ANO1: variants seen among roughly 807,000 people sequenced by gnomAD.
ANO1 encodes anoctamin 1.
ANO1 carries 59 observed loss-of-function variants against 124.0 expected under a neutral mutation model. The ratio of observed to expected loss-of-function variants is 0.48; its 90% CI spans 0.39 to 0.59. The LOEUF (loss-of-function observed/expected upper bound fraction) is 0.59, where lower values mean the gene tolerates loss of function less well. ANO1 is among the 20% of genes least tolerant of loss of function. ANO1 has a pLI of 0.00. For synonymous variants in ANO1, 529 were observed against 532.0 expected (o/e 0.99, Z 0.08); for missense variants, 1,059 against 1,328.0 (o/e 0.80, Z 3.15).
At position 70,058,911 on chromosome 11, in the gene ANO1, C is replaced by T. The variant is rs369074602; in HGVS notation, c.59-19631C>T. 6.9e-4 allele frequency among the ~76,000 whole-genome samples: 105 copies of T among 151,954 alleles called. 2 individuals carry two copies. The highest frequency in any genetic ancestry group is 8.0e-4 in the African/African-American group (33 of 41,438). ...AAGCTGGACTATTGTCCGCCGAGTG[C>T]GGTGGCTCACGCCTGTAATCCCAGC... On this transcript the variant is annotated intron_variant, in intron 1 of 27. Coordinates refer to the ANO1 transcript ENST00000531349.
At chr11:70,042,718 G>A (rs1208177173) in intron 1 of ANO1, among the ~76,000 whole-genome samples, 1 of 152,200 alleles carries the variant, frequency 6.6e-6, no homozygotes, top group Non-Finnish European at 1.5e-5. Context: ...AATAGCTCAT[G>A]GTCTCACCAG....
At chr11:69,998,453 T>TA (rs1364832779) in intron 1 of ANO1, among the ~76,000 whole-genome samples, 1 of 152,214 alleles carries the variant, frequency 6.6e-6, no homozygotes. Context: ...TCATGAGTAG[T>TA]ATGTCCCCCA....
chr11:70,021,664 C>A (rs1038608739), intron 1 of ANO1, among the ~76,000 whole-genome samples: 1 of 152,108 alleles, frequency 6.6e-6, no homozygotes, highest in Non-Finnish European at 1.5e-5. Context: ...CCATGTCGAT[C>A]GTCTGAGAAA....
At chr11:70,041,437 C>T (rs760899244) in intron 1 of ANO1, among the ~76,000 whole-genome samples, 7 of 152,202 alleles carry the variant, frequency 4.6e-5, no homozygotes, top group Non-Finnish European at 7.3e-5. Context: ...AATTTACACA[C>T]GCACAACTAT....
intron 1 of ANO1, among the ~76,000 whole-genome samples, chr11:70,080,858 G>C (rs1336519609): frequency 6.6e-6 from 1 of 152,216 alleles, no homozygotes; most frequent in Non-Finnish European, 1.5e-5. Flanking sequence ...TGCAGCCATG[G>C]AGCAGGGGCC....
chr11:70,155,047 G>C (rs988084745), intron 14 of ANO1, among the ~76,000 whole-genome samples: 2 of 152,218 alleles, frequency 1.3e-5, no homozygotes, highest in African/African-American at 4.8e-5. Context: ...CCCAAGCCTG[G>C]GTGAAGATGT....
At chr11:70,116,144 A>G (rs1037043687) in intron 7 of ANO1, among the ~76,000 whole-genome samples, 1 of 152,020 alleles carries the variant, frequency 6.6e-6, no homozygotes, top group Non-Finnish European at 1.5e-5. Context: ...GCCCCCTTTC[A>G]TTTGTGTTTC....
intron 1 of ANO1, among the ~76,000 whole-genome samples, chr11:70,087,438 T>C (rs756598128): frequency 1.3e-5 from 2 of 152,090 alleles, no homozygotes; most frequent in Non-Finnish European, 2.9e-5. Flanking sequence ...GCCAGGGAGG[T>C]TCCTGACATC....
chr11:70,125,601 T>C (rs2046474198), intron 9 of ANO1, among the ~76,000 whole-genome samples: 1 of 150,480 alleles, frequency 6.6e-6, no homozygotes, highest in Non-Finnish European at 1.5e-5. Flanking sequence ...TCCCAGCACT[T>C]TGGGAGGCCG....
the ANO1 span, among the ~76,000 whole-genome samples, chr11:69,973,841 C>T: frequency 6.6e-6 from 1 of 151,334 alleles, no homozygotes; most frequent in East Asian, 1.9e-4. Context: ...CACTGCACTC[C>T]AGCCTGAGTG....
intron 25 of ANO1, among the ~76,000 whole-genome samples, chr11:70,187,017 G>A (rs141111245): frequency 1.2e-4 from 19 of 152,344 alleles, no homozygotes; most frequent in Non-Finnish European, 2.4e-4. Context: ...TGGAGGCAAG[G>A]CAGCCCCTAG....
intron 11 of ANO1, among the ~76,000 whole-genome samples, chr11:70,132,973 G>A (rs948136667): frequency 1.3e-5 from 2 of 152,206 alleles, no homozygotes; most frequent in Non-Finnish European, 2.9e-5. Context: ...GAAGAGGTGT[G>A]AGGCCCTTCA....
the ANO1 span, among the ~76,000 whole-genome samples, chr11:69,971,431 A>G: frequency 6.6e-6 from 1 of 152,226 alleles, no homozygotes; most frequent in Non-Finnish European, 1.5e-5. Context: ...GAGCAGCTGA[A>G]TGATGGCTGG....
chr11:69,969,504 T>C, the ANO1 span, among the ~76,000 whole-genome samples: 3 of 152,316 alleles, frequency 2.0e-5, 1 homozygote, highest in South Asian at 4.1e-4. Context: ...AAGAGGCTTC[T>C]ATCTCTGGCT....
chr11:70,089,867 A>C (rs1435778488), intron 2 of ANO1, among the ~76,000 whole-genome samples: 1 of 152,248 alleles, frequency 6.6e-6, no homozygotes, highest in African/African-American at 2.4e-5. Flanking sequence ...ATGTCAACTT[A>C]GAACTGGAGG....
chr11:69,986,456 G>A (rs1328983923), intron 1 of ANO1, among the ~76,000 whole-genome samples: 1 of 152,116 alleles, frequency 6.6e-6, no homozygotes, highest in Non-Finnish European at 1.5e-5. Context: ...CCGGGCAGGG[G>A]CCCCTGCGCG....
intron 1 of ANO1, among the ~76,000 whole-genome samples, chr11:70,010,733 G>A (rs1220940154): frequency 3.3e-4 from 50 of 152,152 alleles, no homozygotes; most frequent in Admixed American, 3.3e-3. Context: ...GCTCCCACCA[G>A]GGGTCCTGGT....
chr11:69,986,530 A>C (rs921111077), intron 1 of ANO1, among the ~76,000 whole-genome samples: 2 of 152,164 alleles, frequency 1.3e-5, no homozygotes, highest in Non-Finnish European at 2.9e-5. Context: ...AGCGTCTTGC[A>C]GCGGATACGA....
At chr11:70,093,887 G>C (rs2509155) in intron 2 of ANO1, among the ~76,000 whole-genome samples, 1 of 152,062 alleles carries the variant, frequency 6.6e-6, no homozygotes, top group African/African-American at 2.4e-5. Flanking sequence ...TTCAGACCCC[G>C]CCCAGCCCCT....
Sources: gnomAD v4.1 joint callset for allele counts (sites outside exome capture counted in the v4.1 genomes callset) on GRCh38, gnomAD v4.1.1 for gene constraint, MANE v1.5 for transcripts, NCBI Gene and HGNC (gene_info 2026-07-23, HGNC 2026-07-21) for gene names.